The following PTN variants were observed in gnomAD, a reference collection of about 807,000 sequenced individuals.
PTN encodes the protein heparin affin regulatory protein.
A neutral mutation model predicts 24.1 loss-of-function variants in PTN; 18 were observed. That is an observed-to-expected ratio of 0.75 (90% CI 0.52 to 1.11). PTN has a LOEUF of 1.11. Among genes scored for constraint, PTN ranks in the 50% least tolerant of loss-of-function variants. The pLI is 0.00. For missense variants in PTN, 163 were observed against 198.8 expected (o/e 0.82, Z 1.08); for synonymous variants, 78 against 68.6 (o/e 1.14, Z -0.67).
chr7:137,282,592 GA>G (rs201216001), intron 1 of PTN, among the ~76,000 whole-genome samples: 2 of 151,230 alleles, frequency 1.3e-5, no homozygotes, highest in Non-Finnish European at 3.0e-5. Context: ...GAGATATAAA[GA>G]AAAAAAATGA....
At chr7:137,311,394 T>C (rs1328799752) in intron 1 of PTN, among the ~76,000 whole-genome samples, 1 of 152,236 alleles carries the variant, frequency 6.6e-6, no homozygotes, top group Non-Finnish European at 1.5e-5. Context: ...GTGTATTTAC[T>C]GGAGTAATAT....
intron 4 of PTN, among the ~76,000 whole-genome samples, chr7:137,245,995 A>G (rs568763559): frequency 6.6e-6 from 1 of 152,292 alleles, no homozygotes; most frequent in Admixed American, 6.5e-5. Context: ...TTACTGTTGG[A>G]GAAAGAAAAA....
intron 1 of PTN, among the ~76,000 whole-genome samples, chr7:137,301,319 T>C (rs972462189): frequency 3.3e-5 from 5 of 151,872 alleles, no homozygotes; most frequent in African/African-American, 1.2e-4. Context: ...CCACAGGAAA[T>C]GGTAGACAGC....
chr7:137,326,353 A>G (rs1347813705), intron 1 of PTN: 1 of 152,096 alleles, frequency 6.6e-6, no homozygotes, highest in Non-Finnish European at 1.5e-5. Flanking sequence ...AATTCTCCCA[A>G]ATTGATCAAT....
chr7:137,303,876 A>C (rs966781695), intron 1 of PTN, among the ~76,000 whole-genome samples: 3 of 152,056 alleles, frequency 2.0e-5, no homozygotes, highest in Non-Finnish European at 4.4e-5. Context: ...CTGGTCTTGC[A>C]AAGTCTGTAA....
chr7:137,264,968 T>C (rs1007996557), intron 1 of PTN, among the ~76,000 whole-genome samples: 2 of 146,196 alleles, frequency 1.4e-5, no homozygotes, highest in African/African-American at 5.1e-5. Flanking sequence ...AAACTCCAAC[T>C]GCCATTTTTT....
intron 4 of PTN, among the ~76,000 whole-genome samples, chr7:137,249,498 G>C (rs781514381): frequency 2.0e-5 from 3 of 152,140 alleles, no homozygotes; most frequent in South Asian, 2.1e-4. Context: ...ATATTCTAAT[G>C]TGAAGCCCAG....
Position 137,332,388 on chromosome 7 carries a change from GA to G in PTN, c.-2+11050del, listed in dbSNP as rs758453569. On this transcript the variant is annotated intron_variant, in intron 1 of 4. Transcript: ENST00000348225. The stretch of plus-strand genomic sequence containing the variant: ...TTTCCTAATAAGAAACATCATAATG[GA>G]AAAAAAAATATTTCATTATTTTTCA... Among the ~76,000 whole-genome samples, 27 of 125,300 alleles carry G rather than the reference GA, an allele frequency of 2.2e-4. No homozygotes were observed. The East Asian group carries it at 2.2e-3, about 10-fold the overall frequency. 82.2% of individuals were successfully genotyped at this position (125,300 alleles called of 152,430 possible). A position where few individuals can be genotyped will look rare whatever the true frequency, so the allele number is the denominator to read the frequency against.
At chr7:137,340,724 A>T (rs1810520346) in intron 1 of PTN, among the ~76,000 whole-genome samples, 1 of 152,214 alleles carries the variant, frequency 6.6e-6, no homozygotes, top group South Asian at 2.1e-4. Flanking sequence ...GCCCAACTCA[A>T]CATCACTAGC....
intron 4 of PTN, among the ~76,000 whole-genome samples, chr7:137,250,939 A>T (rs1808813175): frequency 6.6e-6 from 1 of 152,204 alleles, no homozygotes; most frequent in Non-Finnish European, 1.5e-5. Flanking sequence ...AGAGTGTGGA[A>T]TATATGGTCA....
At chr7:137,314,886 C>T in intron 1 of PTN, among the ~76,000 whole-genome samples, 1 of 152,184 alleles carries the variant, frequency 6.6e-6, no homozygotes, top group Non-Finnish European at 1.5e-5. Context: ...AGCCACCGCA[C>T]CCGGCCCATG....
chr7:137,271,309 C>A (rs1809267735), intron 1 of PTN, among the ~76,000 whole-genome samples: 1 of 152,170 alleles, frequency 6.6e-6, no homozygotes. Flanking sequence ...ACAAAGTGTT[C>A]TTTTCCCATG....
At chr7:137,248,578 G>A (rs1585011228) in intron 4 of PTN, among the ~76,000 whole-genome samples, 1 of 152,178 alleles carries the variant, frequency 6.6e-6, no homozygotes, top group East Asian at 1.9e-4. Flanking sequence ...TACTCAGGAG[G>A]CTGAGGCAGG....
intron 1 of PTN, among the ~76,000 whole-genome samples, chr7:137,316,015 T>A (rs1810065739): frequency 6.6e-6 from 1 of 152,160 alleles, no homozygotes; most frequent in African/African-American, 2.4e-5. Flanking sequence ...GATAAAAATA[T>A]CTGCTCTGAT....
intron 4 of PTN, among the ~76,000 whole-genome samples, chr7:137,242,364 A>G (rs1449257641): frequency 6.6e-6 from 1 of 152,198 alleles, no homozygotes; most frequent in African/African-American, 2.4e-5. Flanking sequence ...AGAGCAGGAA[A>G]ATTGAACAAG....
intron 4 of PTN, among the ~76,000 whole-genome samples, chr7:137,248,895 CAATT>C (rs1179003486): frequency 6.6e-6 from 1 of 151,998 alleles, no homozygotes; most frequent in African/African-American, 2.4e-5. Context: ...TTAATTATAT[CAATT>C]AATTATATAC....
intron 1 of PTN, among the ~76,000 whole-genome samples, chr7:137,282,615 CAAGAA>C: frequency 6.6e-6 from 1 of 152,100 alleles, no homozygotes; most frequent in Non-Finnish European, 1.5e-5. Context: ...GTAACTAAAA[CAAGAA>C]AATACCAACA....
At chr7:137,247,643 C>T (rs75827317) in intron 4 of PTN, among the ~76,000 whole-genome samples, 2,248 of 152,170 alleles carry the variant, frequency 0.015, 32 homozygotes, top group East Asian at 0.08. Flanking sequence ...TTTAAAATAA[C>T]GCAAAGAGTG....
intron 4 of PTN, among the ~76,000 whole-genome samples, chr7:137,250,269 T>C (rs1366165906): frequency 2.0e-5 from 3 of 152,222 alleles, no homozygotes; most frequent in African/African-American, 7.2e-5. Flanking sequence ...TTCTGGAAGC[T>C]ACAAGCCTAA....
Sources: allele counts gnomAD v4.1 joint callset (sites outside exome capture counted in the v4.1 genomes callset), GRCh38; gene constraint gnomAD v4.1.1; transcripts MANE v1.5; gene names NCBI Gene and HGNC (gene_info 2026-07-23, HGNC 2026-07-21).